The following NPHP1 variants were observed in gnomAD, a reference collection of about 807,000 sequenced individuals.
NPHP1 encodes the protein nephrocystin 1, also known as nephrocystin-1.
In NPHP1, 70 loss-of-function variants were observed where a neutral mutation model predicts 90.4. That is an observed-to-expected ratio of 0.77 (90% confidence interval 0.64 to 0.95). The LOEUF (loss-of-function observed/expected upper bound fraction) is 0.95. Ranked by LOEUF, NPHP1 falls within the 40% of genes least tolerant of loss-of-function variation. NPHP1 has a pLI of 0.00. For missense variants in NPHP1, 764 were observed against 795.9 expected, an observed-to-expected ratio of 0.96 and a Z score of 0.48; for synonymous variants, 256 against 271.7, an observed-to-expected ratio of 0.94 and a Z score of 0.57.
chr2:110,204,844 CGCAGCT>C, intron 1 of NPHP1, 50 bp downstream of exon 1: 1 of 1,574,640 alleles, frequency 6.4e-7, no homozygotes, highest in Non-Finnish European at 8.7e-7. Context: ...GCGCAGTGCG[CGCAGCT>C]GCGTCCGCCT....
chr2:110,191,485 T>C lies in NPHP1; in HGVS notation c.143+9936A>G, dbSNP rs367890210. The stretch of plus-strand genomic sequence containing the variant: ...CTGTTTGTTAGCCATTGCCGAGGCT[T>C]GAGTAGGTAAACAAAGCAGCCTGGA... On this transcript the variant is annotated intron_variant, in intron 2 of 19. Transcript: ENST00000445609. 4.6e-5 allele frequency among the ~76,000 whole-genome samples: 7 copies of C among 152,268 alleles called. No homozygotes were observed. In the East Asian group the frequency reaches 1.2e-3, roughly 25 times the overall value.
intron 1 of NPHP1, chr2:110,202,298 A>G: frequency 3.2e-6 from 1 of 311,634 alleles, no homozygotes; most frequent in Non-Finnish European, 6.8e-6. Context: ...ATGAAAAAAG[A>G]GAAAATTCCA....
intron 2 of NPHP1, among the ~76,000 whole-genome samples, chr2:110,194,251 A>G (rs1183700763): frequency 6.6e-6 from 1 of 152,010 alleles, no homozygotes; most frequent in African/African-American, 2.4e-5. Context: ...AAAATTGATA[A>G]ACCGCTAGCA....
At chr2:110,182,310 G>T (rs1033440849) in intron 2 of NPHP1, among the ~76,000 whole-genome samples, 5 of 150,686 alleles carry the variant, frequency 3.3e-5, no homozygotes, top group African/African-American at 1.2e-4. Flanking sequence ...TCCATGAGAA[G>T]ATCAACCCCA....
At chr2:110,165,841 A>G (rs761995665) in intron 6 of NPHP1, among the ~76,000 whole-genome samples, 9 of 152,190 alleles carry the variant, frequency 5.9e-5, no homozygotes, top group Non-Finnish European at 1.2e-4. Context: ...ATAAGCACTC[A>G]AGGTGATGGA....
At position 110,145,510 on chromosome 2, in the gene NPHP1, T is replaced by A. The variant is rs533765322; in HGVS notation, c.1353-941A>T. On this transcript the variant is annotated intron_variant, in intron 14 of 19. Transcript: ENST00000445609. ...TCACCATGTTGCCCAGGCTGGTCTATAACTCCCAGGCTCAGGTGATCCTCC... is the reference window on the plus strand; with the variant it reads ...TCACCATGTTGCCCAGGCTGGTCTAAAACTCCCAGGCTCAGGTGATCCTCC... Among the ~76,000 whole-genome samples, 144 of 152,132 alleles carry A rather than the reference T, an allele frequency of 9.5e-4. 5 individuals are homozygous for A. In the South Asian group the frequency reaches 0.028, roughly 30 times the overall value.
chr2:110,196,576 C>T (rs1443260635), intron 2 of NPHP1, among the ~76,000 whole-genome samples: 1 of 152,290 alleles, frequency 6.6e-6, no homozygotes, highest in East Asian at 1.9e-4. Context: ...CTAGTTCAAC[C>T]ATTGTGGAAG....
chr2:110,163,259 G>A, intron 8 of NPHP1, 124 bp from the exon 9 acceptor site: 1 of 738,408 alleles, frequency 1.4e-6, no homozygotes, highest in Non-Finnish European at 2.4e-6. Context: ...TTTAGTGGAA[G>A]AATAATACGA....
Position 110,148,032 on chromosome 2 carries a change from A to T in NPHP1, c.1159-6T>A, listed in dbSNP as rs779767314. 2 of 1,550,534 alleles carry T rather than the reference A, an allele frequency of 1.3e-6. No homozygotes were observed. Among genetic ancestry groups the T allele is most frequent in the East Asian group, 4.5e-5 (2 of 44,614 alleles). On this transcript the variant is annotated splice_region_variant and splice_polypyrimidine_tract_variant and intron_variant, in intron 12 of 19. Transcript: ENST00000445609. Reference sequence around the variant, plus strand: ...CATGGTAAGATGCGAGTAACCTGAAATGATAAAGAAATTAAAGTTATTGAT... The same window carrying T: ...CATGGTAAGATGCGAGTAACCTGAATTGATAAAGAAATTAAAGTTATTGAT...
intron 2 of NPHP1, among the ~76,000 whole-genome samples, chr2:110,183,876 T>C (rs1003054670): frequency 2.0e-5 from 3 of 152,098 alleles, no homozygotes; most frequent in Non-Finnish European, 4.4e-5. Flanking sequence ...CACAAGGCAC[T>C]TACTCTAAAA....
chr2:110,141,091 T>C (rs1680594719), intron 16 of NPHP1, among the ~76,000 whole-genome samples: 1 of 152,182 alleles, frequency 6.6e-6, no homozygotes, highest in Non-Finnish European at 1.5e-5. Context: ...TTCCCCCTCT[T>C]GGCCTTGTGC....
At chr2:110,133,782 A>G (rs775634840) in intron 16 of NPHP1, among the ~76,000 whole-genome samples, 53 of 152,186 alleles carry the variant, frequency 3.5e-4, no homozygotes, top group Non-Finnish European at 6.9e-4. Context: ...TTAAACAACA[A>G]TGGCTCAAAG....
chr2:110,173,786 T>C (rs1222119205), intron 4 of NPHP1, among the ~76,000 whole-genome samples: 5 of 152,156 alleles, frequency 3.3e-5, no homozygotes, highest in African/African-American at 9.7e-5. Context: ...CATATCCCTA[T>C]CACTAAGAAA....
At chr2:110,142,451 C>A (rs923689440) in intron 16 of NPHP1, among the ~76,000 whole-genome samples, 1 of 151,638 alleles carries the variant, frequency 6.6e-6, no homozygotes, top group Non-Finnish European at 1.5e-5. Flanking sequence ...AAGCAATCCT[C>A]AAGCAATCCT....
At chr2:110,201,548 A>G in intron 1 of NPHP1, 54 bp from the exon 2 acceptor site, 2 of 1,250,878 alleles carry the variant, frequency 1.6e-6, no homozygotes, top group Non-Finnish European at 2.3e-6. Flanking sequence ...GCCTTAGGAA[A>G]GAAAACTTCT....
intron 11 of NPHP1, among the ~76,000 whole-genome samples, chr2:110,152,486 G>T (rs1681550473): frequency 6.6e-6 from 1 of 151,660 alleles, no homozygotes. Flanking sequence ...AGGTTTCCTG[G>T]GCTCTGAGTC....
chr2:110,126,979 G>A (rs1428012657), intron 18 of NPHP1: 5 of 152,578 alleles, frequency 3.3e-5, no homozygotes, highest in Admixed American at 1.3e-4. Context: ...AATAGCAAAC[G>A]TGTTAAAGGT....
At chr2:110,172,983 G>A (rs1158209115) in intron 4 of NPHP1, among the ~76,000 whole-genome samples, 32 of 135,848 alleles carry the variant, frequency 2.4e-4, no homozygotes, top group African/African-American at 7.2e-4. Context: ...TTTTTGAGAC[G>A]GTGTCTCATT....
chr2:110,167,783 G>A (rs553277484), intron 6 of NPHP1, among the ~76,000 whole-genome samples: 1 of 152,238 alleles, frequency 6.6e-6, no homozygotes, highest in Admixed American at 6.5e-5. Flanking sequence ...CCTTTAACCT[G>A]TGGGGGTCTG....
Sources: allele counts gnomAD v4.1 joint callset (sites outside exome capture counted in the v4.1 genomes callset), GRCh38; gene constraint gnomAD v4.1.1; transcripts MANE v1.5; gene names NCBI Gene and HGNC (gene_info 2026-07-23, HGNC 2026-07-21).